Variants in SUMF1 observed in about 807,000 individuals in gnomAD.
The protein encoded by SUMF1 is formylglycine-generating enzyme.
SUMF1 carries 48 observed loss-of-function variants against 47.6 expected under a neutral mutation model. The observed-to-expected ratio is 1.01, with a 90% CI of 0.80 to 1.28. The LOEUF is 1.28. SUMF1 is among the 50% of genes most tolerant of loss of function. The probability of loss-of-function intolerance (pLI) is 0.00; values close to 1 mark genes in which losing one functional copy is unlikely to be tolerated. For missense variants in SUMF1, 571 were observed against 485.4 expected (o/e 1.18, Z -1.66); for synonymous variants, 230 against 192.1 (o/e 1.20, Z -1.63).
chr3:4,200,860 T>C (rs1695525894), intron 8 of SUMF1, among the ~76,000 whole-genome samples: 1 of 152,168 alleles, frequency 6.6e-6, no homozygotes, highest in South Asian at 2.1e-4. Flanking sequence ...GCCATAAATG[T>C]GTGGATTCAT....
chr3:4,321,015 A>T (rs978328676), intron 8 of SUMF1, among the ~76,000 whole-genome samples: 1 of 152,164 alleles, frequency 6.6e-6, no homozygotes, highest in African/African-American at 2.4e-5. Flanking sequence ...TCTGATATTA[A>T]CAACTCTGCT....
intron 8 of SUMF1, among the ~76,000 whole-genome samples, chr3:4,100,557 G>C (rs1387024159): frequency 1.3e-5 from 2 of 151,994 alleles, no homozygotes; most frequent in African/African-American, 4.8e-5. Flanking sequence ...TGTAAGACCT[G>C]AAACTATAAA....
intron 8 of SUMF1, among the ~76,000 whole-genome samples, chr3:4,259,694 T>C (rs1407573184): frequency 6.6e-6 from 1 of 152,170 alleles, no homozygotes; most frequent in Non-Finnish European, 1.5e-5. Flanking sequence ...TTCAACTCTC[T>C]TTGCCTAGAG....
intron 7 of SUMF1, among the ~76,000 whole-genome samples, chr3:4,389,946 C>T (rs1216715055): frequency 6.6e-6 from 1 of 152,186 alleles, no homozygotes; most frequent in Non-Finnish European, 1.5e-5. Context: ...AGTCTAACAT[C>T]TCTGTCATCT....
intron 8 of SUMF1, among the ~76,000 whole-genome samples, chr3:4,173,799 T>C (rs746512145): frequency 4.6e-5 from 7 of 152,016 alleles, no homozygotes; most frequent in African/African-American, 1.5e-4. Context: ...AAACACCGCA[T>C]GTCCCCACTC....
chr3:4,325,565 A>G (rs62259818), intron 8 of SUMF1, among the ~76,000 whole-genome samples: 34,511 of 111,018 alleles, frequency 0.31, 4,547 homozygotes, highest in African/African-American at 0.55. Flanking sequence ...CTGTGTGTGT[A>G]TATATATATA....
In SUMF1 at chr3:4,159,252, A is replaced by G. The variant is rs560125961; in HGVS notation, c.1015-90507T>C. Reference sequence around the variant, plus strand: ...TTTTCTTCCTGTCTTCCTTTTAGTGAAGGTGATTTTCTCTGGTGGTATTTT... The same window carrying G: ...TTTTCTTCCTGTCTTCCTTTTAGTGGAGGTGATTTTCTCTGGTGGTATTTT... On this transcript the variant is annotated intron_variant and NMD_transcript_variant, in intron 8 of 12. Coordinates refer to the SUMF1 transcript ENST00000448413. 4.1e-4 allele frequency among the ~76,000 whole-genome samples: 60 copies of G among 144,948 alleles called. 1 individual carries two copies. Among genetic ancestry groups the G allele is most frequent in the Non-Finnish European group, 6.4e-4 (43 of 66,696 alleles).
chr3:4,127,433 G>T (rs1693680358), intron 8 of SUMF1, among the ~76,000 whole-genome samples: 1 of 152,126 alleles, frequency 6.6e-6, no homozygotes, highest in African/African-American at 2.4e-5. Context: ...CTTAATTTGG[G>T]CAGGCACAAT....
At chr3:4,216,449 C>G (rs1695926078) in intron 8 of SUMF1, among the ~76,000 whole-genome samples, 1 of 152,086 alleles carries the variant, frequency 6.6e-6, no homozygotes. Flanking sequence ...TAGAAGAAAA[C>G]CTGGGCAGTA....
At chr3:4,183,760 A>G (rs1477004844) in intron 8 of SUMF1, among the ~76,000 whole-genome samples, 1 of 152,176 alleles carries the variant, frequency 6.6e-6, no homozygotes, top group African/African-American at 2.4e-5. Context: ...TGCAAAACCA[A>G]TGGAAGGTGG....
chr3:4,065,281 G>C (rs1359053715), intron 9 of SUMF1, among the ~76,000 whole-genome samples: 2 of 151,824 alleles, frequency 1.3e-5, no homozygotes. Context: ...TGCTCATCTT[G>C]ATACCTATGC....
chr3:4,438,795 TAAC>T (rs1333947041), intron 3 of SUMF1, among the ~76,000 whole-genome samples: 3 of 152,066 alleles, frequency 2.0e-5, no homozygotes, highest in Non-Finnish European at 4.4e-5. Flanking sequence ...ACAGCAAAAT[TAAC>T]AACTTCCTAT....
chr3:4,286,053 C>G (rs1218708149), intron 8 of SUMF1, among the ~76,000 whole-genome samples: 1 of 152,064 alleles, frequency 6.6e-6, no homozygotes, highest in African/African-American at 2.4e-5. Context: ...ATTGCACATT[C>G]TTTACAAGAC....
chr3:4,257,494 G>T (rs1188389649), intron 8 of SUMF1, among the ~76,000 whole-genome samples: 1 of 151,366 alleles, frequency 6.6e-6, no homozygotes, highest in Non-Finnish European at 1.5e-5. Context: ...CAAATCATGA[G>T]TGAACTCCCA....
chr3:4,286,132 G>GC (rs1559652050), intron 8 of SUMF1, among the ~76,000 whole-genome samples: 1 of 151,962 alleles, frequency 6.6e-6, no homozygotes, highest in East Asian at 1.9e-4. Flanking sequence ...AAATTGTTTA[G>GC]TTTTTTCTCT....
intron 3 of SUMF1, among the ~76,000 whole-genome samples, chr3:4,442,475 G>A (rs1277426699): frequency 6.6e-6 from 1 of 151,418 alleles, no homozygotes; most frequent in African/African-American, 2.4e-5. Context: ...TAGCCGGGAT[G>A]GTCTCGATCT....
chr3:4,230,068 GT>G (rs112061698), intron 8 of SUMF1, among the ~76,000 whole-genome samples: 195 of 148,210 alleles, frequency 1.3e-3, no homozygotes, highest in African/African-American at 3.9e-3. Context: ...ATTTACGATA[GT>G]TTTTTTTTTT....
At chr3:4,276,488 T>C (rs1367992123) in intron 8 of SUMF1, among the ~76,000 whole-genome samples, 1 of 152,166 alleles carries the variant, frequency 6.6e-6, no homozygotes, top group Admixed American at 6.5e-5. Flanking sequence ...AAGAAATTAT[T>C]TCTTTGAAAA....
chr3:4,384,343 C>T (rs748013534), intron 7 of SUMF1, among the ~76,000 whole-genome samples: 3 of 152,132 alleles, frequency 2.0e-5, no homozygotes, highest in Non-Finnish European at 4.4e-5. Flanking sequence ...TCCAGTTTTC[C>T]CCAATGGCAA....
Sources: gnomAD v4.1 joint callset for allele counts (sites outside exome capture counted in the v4.1 genomes callset) on GRCh38, gnomAD v4.1.1 for gene constraint, MANE v1.5 for transcripts, NCBI Gene and HGNC (gene_info 2026-07-23, HGNC 2026-07-21) for gene names.